WDR70: variants seen among roughly 807,000 people sequenced by gnomAD.
WDR70 encodes the protein WD repeat domain 70.
In WDR70, 53 loss-of-function variants were observed where a neutral mutation model predicts 88.6. The ratio of observed to expected loss-of-function variants is 0.60; its 90% CI spans 0.48 to 0.75. The LOEUF (loss-of-function observed/expected upper bound fraction) is 0.75. Among genes scored for constraint, WDR70 ranks in the 30% least tolerant of loss-of-function variants. WDR70 has a pLI of 0.00. For synonymous variants in WDR70, 280 were observed against 270.0 expected (o/e 1.04, Z -0.36); for missense variants, 610 against 823.2 (o/e 0.74, Z 3.17).
At chr5:37,539,846 A>G (rs755540173) in intron 9 of WDR70, among the ~76,000 whole-genome samples, 10 of 152,210 alleles carry the variant, frequency 6.6e-5, no homozygotes, top group Non-Finnish European at 4.4e-5. Context: ...ATAGGCATCT[A>G]GAATTACGCC....
chr5:37,725,654 C>T (rs1414870826), intron 16 of WDR70, among the ~76,000 whole-genome samples: 1 of 152,106 alleles, frequency 6.6e-6, no homozygotes, highest in African/African-American at 2.4e-5. Context: ...AAACATTTTG[C>T]ATATCTATCT....
At chr5:37,558,573 G>T (rs1325855044) in intron 9 of WDR70, among the ~76,000 whole-genome samples, 1 of 151,674 alleles carries the variant, frequency 6.6e-6, no homozygotes, top group Non-Finnish European at 1.5e-5. Context: ...CAATCCACCC[G>T]CCTCAGCCTC....
chr5:37,628,337 C>T (rs62360876), intron 10 of WDR70, among the ~76,000 whole-genome samples: 71,372 of 152,044 alleles, frequency 0.47, 18,199 homozygotes, highest in Non-Finnish European at 0.58. Flanking sequence ...CCACTATGTA[C>T]TGAAGCCCAT....
intron 10 of WDR70, among the ~76,000 whole-genome samples, chr5:37,621,687 A>C (rs959616707): frequency 2.6e-5 from 4 of 151,934 alleles, no homozygotes; most frequent in Non-Finnish European, 4.4e-5. Flanking sequence ...TTGCCTGTTC[A>C]CTCTGATGGT....
chr5:37,563,582 A>G (rs1173887393), intron 9 of WDR70, among the ~76,000 whole-genome samples: 3 of 38,450 alleles, frequency 7.8e-5, no homozygotes, highest in African/African-American at 1.3e-4. Context: ...TCCCTCCCGG[A>G]CGGGCGGCTG....
At chr5:37,475,224 T>C (rs1235422966) in intron 7 of WDR70, among the ~76,000 whole-genome samples, 3 of 147,204 alleles carry the variant, frequency 2.0e-5, no homozygotes, top group Non-Finnish European at 3.0e-5. Context: ...CCATCCTTGT[T>C]CCTTGATTTT....
chr5:37,446,476 C>T (rs1452397911), intron 7 of WDR70, among the ~76,000 whole-genome samples: 4 of 152,146 alleles, frequency 2.6e-5, no homozygotes, highest in Non-Finnish European at 2.9e-5. Context: ...GAGCCCGCAT[C>T]GCCAAGACAA....
At position 37,417,683 on chromosome 5, in the gene WDR70, C is replaced by T. The variant is rs147326759; in HGVS notation, c.493-20239C>T. ...CCTTCTGAGTGGCTGAGACTGCAGG[C>T]GTGCACCCCCATGCCGAGCTAATTA... On this transcript the variant is annotated intron_variant, in intron 5 of 17. Coordinates refer to ENST00000265107, the MANE Select transcript of WDR70 (RefSeq NM_018034.4). 3.1e-3 allele frequency among the ~76,000 whole-genome samples: 471 copies of T among 152,150 alleles called. 8 individuals carry two copies. Among genetic ancestry groups the T allele is most frequent in the African/African-American group, 0.011 (456 of 41,498 alleles).
intron 5 of WDR70, among the ~76,000 whole-genome samples, chr5:37,410,472 T>G (rs13165813): frequency 1.3e-5 from 2 of 152,010 alleles, no homozygotes; most frequent in East Asian, 3.9e-4. Flanking sequence ...AAGCAACCTC[T>G]CCAGATGCTA....
At chr5:37,468,393 T>TTA (rs1739227189) in intron 7 of WDR70, among the ~76,000 whole-genome samples, 1 of 152,208 alleles carries the variant, frequency 6.6e-6, no homozygotes, top group Non-Finnish European at 1.5e-5. Context: ...TTATTTCAGA[T>TTA]TATATATATT....
chr5:37,429,499 A>C (rs1395044335), intron 5 of WDR70, among the ~76,000 whole-genome samples: 1 of 151,990 alleles, frequency 6.6e-6, no homozygotes, highest in African/African-American at 2.4e-5. Flanking sequence ...ACCTGTTTCA[A>C]GTTAATTTTT....
intron 7 of WDR70, among the ~76,000 whole-genome samples, chr5:37,462,396 G>A (rs989158756): frequency 2.0e-5 from 3 of 152,050 alleles, no homozygotes; most frequent in African/African-American, 7.2e-5. Flanking sequence ...TCCACCTCCC[G>A]GATTCATGCC....
At chr5:37,493,691 T>C (rs1294876832) in intron 8 of WDR70, among the ~76,000 whole-genome samples, 2 of 152,172 alleles carry the variant, frequency 1.3e-5, no homozygotes, top group Non-Finnish European at 2.9e-5. Flanking sequence ...TTTTTGGTAA[T>C]TTGTTACAGA....
At chr5:37,678,210 T>G (rs1746299693) in intron 10 of WDR70, among the ~76,000 whole-genome samples, 1 of 152,248 alleles carries the variant, frequency 6.6e-6, no homozygotes, top group African/African-American at 2.4e-5. Context: ...GTCTTTTAAT[T>G]GGAGCATTTA....
At chr5:37,525,035 C>CT (rs1200340488) in intron 9 of WDR70, among the ~76,000 whole-genome samples, 7 of 152,162 alleles carry the variant, frequency 4.6e-5, no homozygotes, top group African/African-American at 1.7e-4. Flanking sequence ...TAATGGGAGA[C>CT]TTTAACACCC....
chr5:37,709,400 A>G lies in WDR70; in HGVS notation c.1416+6313A>G, dbSNP rs73065654. Among the ~76,000 whole-genome samples the G allele has an allele frequency of 7.6e-3, 1,155 of 152,326 alleles. 18 individuals are homozygous for G. The highest frequency in any genetic ancestry group is 0.026 in the African/African-American group (1,083 of 41,574). On this transcript the variant is annotated intron_variant, in intron 13 of 17. Transcript: ENST00000265107. ...ATATCCTAGAGGGAGCCTGAGTAAC[A>G]TATTTGTATTTAATAAAAATATTAT...
intron 9 of WDR70, among the ~76,000 whole-genome samples, chr5:37,562,870 A>G (rs906770302): frequency 2.0e-5 from 3 of 151,806 alleles, no homozygotes; most frequent in Non-Finnish European, 4.4e-5. Flanking sequence ...CATGGCAACC[A>G]TTCGATTTCT....
At chr5:37,567,974 G>A (rs1466821875) in intron 9 of WDR70, among the ~76,000 whole-genome samples, 1 of 152,130 alleles carries the variant, frequency 6.6e-6, no homozygotes, top group Non-Finnish European at 1.5e-5. Flanking sequence ...AAGCTTATCT[G>A]TTATTTGGTC....
chr5:37,639,120 CATT>C (rs1745043682), intron 10 of WDR70, among the ~76,000 whole-genome samples: 1 of 152,076 alleles, frequency 6.6e-6, no homozygotes, highest in African/African-American at 2.4e-5. Context: ...ACAGTAGCAT[CATT>C]GTGTCAGAGC....
Sources: allele counts gnomAD v4.1 joint callset (sites outside exome capture counted in the v4.1 genomes callset), GRCh38; gene constraint gnomAD v4.1.1; transcripts MANE v1.5; gene names NCBI Gene and HGNC (gene_info 2026-07-23, HGNC 2026-07-21).